AHI1: variants seen among roughly 807,000 people sequenced by gnomAD.
AHI1 encodes jouberin.
AHI1 carries 123 observed loss-of-function variants against 149.3 expected under a neutral mutation model. The ratio of observed to expected loss-of-function variants is 0.82; its 90% CI spans 0.71 to 0.96. The LOEUF (loss-of-function observed/expected upper bound fraction) is 0.96, where lower values mean the gene tolerates loss of function less well. AHI1 is among the 40% of genes least tolerant of loss of function. AHI1 has a pLI of 0.00. For synonymous variants in AHI1, 475 were observed against 459.8 expected (o/e 1.03, Z -0.42); for missense variants, 1,439 against 1,422.7 (o/e 1.01, Z -0.18).
chr6:135,365,349 T>G (rs537507063), intron 23 of AHI1, among the ~76,000 whole-genome samples: 2 of 152,302 alleles, frequency 1.3e-5, no homozygotes, highest in South Asian at 4.1e-4. Flanking sequence ...CGAAAAATGA[T>G]GGTGGTATTT....
chr6:135,475,243 G>A (rs535788010), intron 5 of AHI1, among the ~76,000 whole-genome samples: 4 of 152,124 alleles, frequency 2.6e-5, no homozygotes, highest in Non-Finnish European at 4.4e-5. Flanking sequence ...AGCATCTAAA[G>A]TGAATACCCT....
chr6:135,310,032 T>C (rs147160433), intron 26 of AHI1, among the ~76,000 whole-genome samples: 3 of 152,276 alleles, frequency 2.0e-5, no homozygotes, highest in African/African-American at 7.2e-5. Flanking sequence ...TCTTTAGCAA[T>C]AGAAAAGAAG....
chr6:135,361,073 A>C (rs570464361), intron 23 of AHI1, among the ~76,000 whole-genome samples: 1 of 152,056 alleles, frequency 6.6e-6, no homozygotes, highest in South Asian at 2.1e-4. Context: ...TTACTCTTCC[A>C]TTTTATGTCC....
chr6:135,493,025 T>C, intron 3 of AHI1: 1 of 943,754 alleles, frequency 1.1e-6, no homozygotes, highest in Non-Finnish European at 1.3e-6. Flanking sequence ...TTGTTTGTTT[T>C]TGAGATGGAG....
intron 28 of AHI1, among the ~76,000 whole-genome samples, chr6:135,285,861 G>A (rs1781619568): frequency 6.6e-6 from 1 of 152,156 alleles, no homozygotes; most frequent in African/African-American, 2.4e-5. Context: ...TGTATCATTA[G>A]CAATTGTTTA....
intron 24 of AHI1, among the ~76,000 whole-genome samples, chr6:135,335,137 CTGAGT>C (rs2128402808): frequency 6.6e-6 from 1 of 152,300 alleles, no homozygotes; most frequent in East Asian, 1.9e-4. Flanking sequence ...CTCTTGCTTT[CTGAGT>C]TATTAGCTTT....
Position 135,467,612 on chromosome 6 carries a change from A to C in AHI1, c.158T>G (p.Leu53Arg), listed in dbSNP as rs766231229. The C allele has an allele frequency of 1.6e-5, 26 of 1,609,224 alleles. No homozygotes were observed. The highest frequency in any genetic ancestry group is 2.1e-5 in the Non-Finnish European group (25 of 1,176,632). The change falls in exon 6 of 29, where the codon CTT becomes CGT. Residue 53 changes from leucine (L) to arginine (R), a missense_variant. Physicochemically the swap from Leu to Arg is moderately radical, Grantham distance 102 (BLOSUM62 -2). Coordinates refer to ENST00000265602, the MANE Select transcript of AHI1 (RefSeq NM_001134831.2). ...NISPDTIRSN[L>R]HYMKETTSDD... ...ACTTGTAGTTTCTTTCATATAGTGAAGATTGCTTCTAATAGTGTCAGGCTA... is the reference window on the plus strand; with the variant it reads ...ACTTGTAGTTTCTTTCATATAGTGACGATTGCTTCTAATAGTGTCAGGCTA...
intron 23 of AHI1, among the ~76,000 whole-genome samples, chr6:135,367,171 G>A (rs907848402): frequency 2.0e-5 from 3 of 152,062 alleles, no homozygotes; most frequent in Non-Finnish European, 4.4e-5. Flanking sequence ...TTTGTTTAAG[G>A]CGGCTAAAGA....
intron 17 of AHI1, 114 bp downstream of exon 17, chr6:135,431,094 T>C (rs1269912772): frequency 4.5e-6 from 3 of 659,986 alleles, no homozygotes; most frequent in Non-Finnish European, 2.5e-6. Context: ...AGAAAAACTG[T>C]TAATTTTTTG....
At position 135,383,226 on chromosome 6, in the gene AHI1, C is replaced by CTTTTTTTTTTTTTTTTTTTTTT. The variant is rs764546253; in HGVS notation, c.3109+11549_3109+11550insAAAAAAAAAAAAAAAAAAAAAA. Among the ~76,000 whole-genome samples, 5 of 76,868 alleles carry CTTTTTTTTTTTTTTTTTTTTTT rather than the reference C, an allele frequency of 6.5e-5. 1 individual carries two copies. Among genetic ancestry groups the CTTTTTTTTTTTTTTTTTTTTTT allele is most frequent in the African/African-American group, 2.7e-4 (4 of 15,038 alleles). 50.4% of individuals were successfully genotyped at this position (76,868 alleles called of 152,430 possible). A position where few individuals can be genotyped will look rare whatever the true frequency, so the allele number is the denominator to read the frequency against. On this transcript the variant is annotated intron_variant, in intron 23 of 28. Coordinates refer to ENST00000265602, the MANE Select transcript of AHI1 (RefSeq NM_001134831.2). ...GATTGATTCCTTCCTTCCCCCCTCCCTTTTTTTTTTTTTTTTTTTTTGAGA... is the reference window on the plus strand; with the variant it reads ...GATTGATTCCTTCCTTCCCCCCTCCCTTTTTTTTTTTTTTTTTTTTTTTTTTTTTTTTTTTTTTTTTTTGAGA...
intron 24 of AHI1, among the ~76,000 whole-genome samples, chr6:135,345,751 A>G (rs1791099652): frequency 6.6e-6 from 1 of 152,240 alleles, no homozygotes; most frequent in Admixed American, 6.5e-5. Flanking sequence ...CTGCAAAACT[A>G]TAAATATATT....
At position 135,457,633 on chromosome 6, in the gene AHI1, A is replaced by G. The variant is rs762044247; in HGVS notation, c.1012T>C (p.Leu338=). ...CCCAAGACAAGGTCATCATCAAGCA[A>G]ACATTTGGGATAAACCGGGCTATCT... ...SRDSPVYPKC[L]LDDDLVLGVY... is the part of the protein sequence containing the mutation. Residue 338 remains leucine (L), a synonymous_variant, in exon 9 of 29, where the codon TTG becomes CTG. Coordinates refer to ENST00000265602, the MANE Select transcript of AHI1 (RefSeq NM_001134831.2). The G allele has an allele frequency of 2.5e-6, 4 of 1,613,990 alleles. No homozygotes were observed. The highest frequency in any genetic ancestry group is 3.4e-6 in the Non-Finnish European group (4 of 1,179,882).
rs572733159 is a variant in AHI1 at position 135,386,815 on chromosome 6, G to A, written c.3109+7961C>T. Among the ~76,000 whole-genome samples the A allele has an allele frequency of 6.6e-5, 10 of 152,096 alleles. No homozygotes were observed. In the East Asian group the frequency reaches 1.7e-3, roughly 27 times the overall value. On this transcript the variant is annotated intron_variant, in intron 23 of 28. Transcript: ENST00000265602. Reference sequence around the variant, plus strand: ...CTGGCTAATTTTTGTAATTTTAGTAGAGACAGGGTTTCATCATGTTGGCCA... The same window carrying A: ...CTGGCTAATTTTTGTAATTTTAGTAAAGACAGGGTTTCATCATGTTGGCCA...
intron 8 of AHI1, among the ~76,000 whole-genome samples, chr6:135,460,802 T>G (rs1458082313): frequency 6.6e-6 from 1 of 152,120 alleles, no homozygotes; most frequent in Non-Finnish European, 1.5e-5. Flanking sequence ...ATGGGAAAAG[T>G]GACACTGCAA....
intron 24 of AHI1, among the ~76,000 whole-genome samples, chr6:135,327,958 ATAAG>A (rs1562509534): frequency 1.3e-5 from 2 of 152,210 alleles, no homozygotes; most frequent in African/African-American, 2.4e-5. Flanking sequence ...ATCAGTAAAT[ATAAG>A]TAAGTGTTTC....
chr6:135,466,711 T>C (rs1194728071), intron 6 of AHI1, among the ~76,000 whole-genome samples: 7 of 152,186 alleles, frequency 4.6e-5, no homozygotes, highest in African/African-American at 1.7e-4. Context: ...CTAATAGATA[T>C]TCGAGAAATT....
chr6:135,408,894 A>C (rs1286621924), intron 21 of AHI1, among the ~76,000 whole-genome samples: 1 of 152,114 alleles, frequency 6.6e-6, no homozygotes, highest in Non-Finnish European at 1.5e-5. Flanking sequence ...CTTTGAGAAA[A>C]ATTTTCTAGG....
chr6:135,312,500 G>A (rs1434342867), intron 26 of AHI1, among the ~76,000 whole-genome samples: 1 of 152,026 alleles, frequency 6.6e-6, no homozygotes, highest in East Asian at 1.9e-4. Flanking sequence ...GCAATAGAGT[G>A]AGACTGTTTC....
At chr6:135,392,041 T>A (rs1778587594) in intron 23 of AHI1, among the ~76,000 whole-genome samples, 1 of 152,174 alleles carries the variant, frequency 6.6e-6, no homozygotes, top group Non-Finnish European at 1.5e-5. Flanking sequence ...TTGGAACACA[T>A]AAAGTTTGAG....
Sources: gnomAD v4.1 joint callset for allele counts (sites outside exome capture counted in the v4.1 genomes callset) on GRCh38, gnomAD v4.1.1 for gene constraint, MANE v1.5 for transcripts, NCBI Gene and HGNC (gene_info 2026-07-23, HGNC 2026-07-21) for gene names.